Variants in SPRED1 observed in about 807,000 individuals in gnomAD.
SPRED1 encodes the protein sprouty related EVH1 domain containing 1.
Under a neutral mutation model 52.3 loss-of-function variants are expected in SPRED1, and 18 were observed. That is an observed-to-expected ratio of 0.34 (90% CI 0.24 to 0.51). SPRED1 has a LOEUF of 0.51. SPRED1 is among the 20% of genes least tolerant of loss of function. SPRED1 has a pLI of 0.97. For synonymous variants in SPRED1, 155 were observed against 179.7 expected, an observed-to-expected ratio of 0.86 and a Z score of 1.10; for missense variants, 485 against 551.0, an observed-to-expected ratio of 0.88 and a Z score of 1.20.
At chr15:38,309,366 C>G (rs973168997) in intron 2 of SPRED1, among the ~76,000 whole-genome samples, 1 of 152,196 alleles carries the variant, frequency 6.6e-6, no homozygotes, top group Non-Finnish European at 1.5e-5. Flanking sequence ...GTCTTGAACT[C>G]CTGACCTTAA....
chr15:38,310,757 T>C lies in SPRED1; in HGVS notation c.207+11210T>C, dbSNP rs144727879. On this transcript the variant is annotated intron_variant, in intron 2 of 6. Coordinates refer to ENST00000299084, the MANE Select transcript of SPRED1 (RefSeq NM_152594.3). ...ATTGTAAATACTATTGTGTTTTTAA[T>C]TTTGGTTACTGCATGTCCATTGTAT... Among the ~76,000 whole-genome samples the C allele has an allele frequency of 4.2e-3, 641 of 152,362 alleles. 5 individuals carry two copies. The highest frequency in any genetic ancestry group is 0.015 in the African/African-American group (604 of 41,590).
chr15:38,261,037 C>T (rs1335139747), intron 1 of SPRED1, among the ~76,000 whole-genome samples: 3 of 152,126 alleles, frequency 2.0e-5, no homozygotes, highest in African/African-American at 7.2e-5. Context: ...GCCTCACAGT[C>T]AAATGGGGTT....
Position 38,356,625 on chromosome 15 carries a change from C to T in SPRED1, c.*4961C>T, listed in dbSNP as rs1330319829. On this transcript the variant is annotated 3_prime_UTR_variant, in exon 7 of 7. Transcript: ENST00000299084. Reference sequence around the variant, plus strand: ...CATCTTAATAACATATTTATTCATCCTTAATTGTATTCAGATTTTTTTTTA... The same window carrying T: ...CATCTTAATAACATATTTATTCATCTTTAATTGTATTCAGATTTTTTTTTA... The T allele has an allele frequency of 6.6e-6, 1 of 151,872 alleles. No homozygotes were observed. Among genetic ancestry groups the T allele is most frequent in the Non-Finnish European group, 1.5e-5 (1 of 67,910 alleles). 9.4% of individuals were successfully genotyped at this position (151,872 alleles called of 1,614,324 possible).
At chr15:38,297,399 A>G (rs771083970) in intron 1 of SPRED1, among the ~76,000 whole-genome samples, 2 of 152,174 alleles carry the variant, frequency 1.3e-5, no homozygotes, top group South Asian at 2.1e-4. Flanking sequence ...TAAGATGCAT[A>G]TTGTGTTTAT....
chr15:38,282,506 CA>C (rs373880075), intron 1 of SPRED1, among the ~76,000 whole-genome samples: 2,705 of 125,456 alleles, frequency 0.022, 24 homozygotes, highest in Non-Finnish European at 0.028. Flanking sequence ...GACCCCGTCT[CA>C]AAAAAAAAAA....
intron 2 of SPRED1, among the ~76,000 whole-genome samples, chr15:38,316,397 G>T (rs1007444597): frequency 2.0e-5 from 3 of 152,048 alleles, no homozygotes; most frequent in Non-Finnish European, 4.4e-5. Context: ...GTTACCACTG[G>T]ATTGAAAGAC....
At chr15:38,292,093 G>C (rs1442549142) in intron 1 of SPRED1, among the ~76,000 whole-genome samples, 1 of 152,118 alleles carries the variant, frequency 6.6e-6, no homozygotes, top group Non-Finnish European at 1.5e-5. Flanking sequence ...TCTTCCCCCA[G>C]ATACCCTAAA....
chr15:38,266,166 C>T (rs1894302553), intron 1 of SPRED1, among the ~76,000 whole-genome samples: 1 of 152,106 alleles, frequency 6.6e-6, no homozygotes, highest in Non-Finnish European at 1.5e-5. Context: ...GACACATAAT[C>T]AGAAACTTGG....
intron 1 of SPRED1, among the ~76,000 whole-genome samples, chr15:38,261,041 T>G (rs879543634): frequency 2.6e-5 from 4 of 152,140 alleles, no homozygotes; most frequent in African/African-American, 9.7e-5. Context: ...CACAGTCAAA[T>G]GGGGTTTATC....
Position 38,272,333 on chromosome 15 carries a change from A to G in SPRED1, c.32+19116A>G, listed in dbSNP as rs572465387. 3.3e-3 allele frequency among the ~76,000 whole-genome samples: 490 copies of G among 147,156 alleles called. 5 individuals are homozygous for G. The highest frequency in any genetic ancestry group is 2.9e-3 in the Non-Finnish European group (197 of 67,322). Reference sequence around the variant, plus strand: ...GCTGAGGCTGGAGTGCAGTGGTGCAATCTTGGCTCACTGCAACTTCTGCCT... The same window carrying G: ...GCTGAGGCTGGAGTGCAGTGGTGCAGTCTTGGCTCACTGCAACTTCTGCCT... On this transcript the variant is annotated intron_variant, in intron 1 of 6. Coordinates refer to ENST00000299084, the MANE Select transcript of SPRED1 (RefSeq NM_152594.3).
intron 5 of SPRED1, among the ~76,000 whole-genome samples, chr15:38,347,461 C>CTTTTTTTTTTTTTT (rs3075337): frequency 2.1e-5 from 2 of 93,224 alleles, no homozygotes; most frequent in Non-Finnish European, 4.2e-5. Flanking sequence ...CCGCTTGGAT[C>CTTTTTTTTTTTTTT]TTTTTTTTTT....
intron 1 of SPRED1, among the ~76,000 whole-genome samples, chr15:38,293,926 A>G (rs963815049): frequency 2.0e-5 from 3 of 152,108 alleles, no homozygotes; most frequent in South Asian, 2.1e-4. Context: ...GTAATCTCCT[A>G]TATTCCCATT....
chr15:38,349,447 A>G lies in SPRED1; in HGVS notation c.608A>G (p.Asp203Gly). 6.2e-7 allele frequency: 1 copy of G among 1,612,728 alleles called. No homozygotes were observed. Among genetic ancestry groups the G allele is most frequent in the Non-Finnish European group, 8.5e-7 (1 of 1,178,988 alleles). The stretch of plus-strand genomic sequence containing the variant: ...ATAACATTTGGTCAGCCAGGCTTGG[A>G]CATTCAGAGCAGAAGTATGGAATAC... Reference protein sequence around the residue: ...NQITFGQPGLDIQSRSMEYVQ... With the variant: ...NQITFGQPGLGIQSRSMEYVQ... Residue 203 changes from aspartate (D) to glycine (G), a missense_variant, in exon 6 of 7, where the codon GAC becomes GGC. By Grantham distance (94) the Asp-to-Gly change is moderately conservative. Around this residue, in one of 5 missense-constraint regions of SPRED1, gnomAD observed 232 missense variants for 231.8 expected, o/e 1.00. Transcript: ENST00000299084.
chr15:38,331,058 T>G (rs1324600224), intron 4 of SPRED1, among the ~76,000 whole-genome samples: 1 of 152,104 alleles, frequency 6.6e-6, no homozygotes. Flanking sequence ...TCCTTTTGCC[T>G]CCACACACAA....
chr15:38,310,479 C>T (rs969589528), intron 2 of SPRED1, among the ~76,000 whole-genome samples: 59 of 152,108 alleles, frequency 3.9e-4, no homozygotes, highest in Non-Finnish European at 2.4e-4. Flanking sequence ...ACAAAAAAAC[C>T]TTACTGAAAC....
intron 4 of SPRED1, among the ~76,000 whole-genome samples, chr15:38,328,875 G>A (rs753203506): frequency 2.0e-4 from 30 of 151,804 alleles, no homozygotes; most frequent in Non-Finnish European, 3.2e-4. Flanking sequence ...CACCACTCGC[G>A]GCTAATTTTT....
At chr15:38,308,172 T>A (rs1253028276) in intron 2 of SPRED1, among the ~76,000 whole-genome samples, 3 of 152,188 alleles carry the variant, frequency 2.0e-5, no homozygotes, top group Non-Finnish European at 4.4e-5. Flanking sequence ...ATTTTGCAAA[T>A]GTCTCACAGA....
At chr15:38,295,472 G>T (rs1895016774) in intron 1 of SPRED1, among the ~76,000 whole-genome samples, 1 of 152,184 alleles carries the variant, frequency 6.6e-6, no homozygotes, top group Non-Finnish European at 1.5e-5. Context: ...TAAAGATACG[G>T]TATTGTAATC....
intron 1 of SPRED1, among the ~76,000 whole-genome samples, chr15:38,260,738 C>T (rs1452455058): frequency 6.6e-6 from 1 of 152,052 alleles, no homozygotes; most frequent in Non-Finnish European, 1.5e-5. Context: ...TTTTAGGCCC[C>T]TAATATTGTT....
Sources: gnomAD v4.1 joint callset for allele counts (sites outside exome capture counted in the v4.1 genomes callset) on GRCh38, gnomAD v4.1.1 for gene constraint, gnomAD v4.1.1 regional missense constraint, MANE v1.5 for transcripts, NCBI Gene and HGNC (gene_info 2026-07-23, HGNC 2026-07-21) for gene names.